Variants in ADAMTSL1 observed in about 807,000 individuals in gnomAD.
ADAMTSL1 encodes ADAMTS-like protein 1.
A neutral mutation model predicts 201.8 loss-of-function variants in ADAMTSL1; 126 were observed. The ratio of observed to expected loss-of-function variants is 0.62; its 90% CI spans 0.54 to 0.72. The LOEUF (loss-of-function observed/expected upper bound fraction) is 0.72, where lower values mean the gene tolerates loss of function less well. Ranked by LOEUF, ADAMTSL1 falls within the 30% of genes least tolerant of loss-of-function variation. The pLI, the probability that ADAMTSL1 is intolerant of heterozygous loss-of-function variation, is 0.00. For synonymous variants in ADAMTSL1, 1,121 were observed against 903.4 expected (o/e 1.24, Z -4.32); for missense variants, 2,679 against 2,277.8 (o/e 1.18, Z -3.59).
At chr9:18,740,293 C>G (rs1019380049) in intron 15 of ADAMTSL1, among the ~76,000 whole-genome samples, 7 of 152,038 alleles carry the variant, frequency 4.6e-5, no homozygotes, top group Non-Finnish European at 7.4e-5. Context: ...CTGTAGTGAG[C>G]TGAAGTCACC....
At chr9:18,005,919 T>G (rs1476440005) in intron 1 of ADAMTSL1, among the ~76,000 whole-genome samples, 1 of 152,008 alleles carries the variant, frequency 6.6e-6, no homozygotes, top group Non-Finnish European at 1.5e-5. Flanking sequence ...GCATAGGTCA[T>G]GTCTTCTACC....
intron 14 of ADAMTSL1, among the ~76,000 whole-genome samples, chr9:18,719,967 A>T (rs1253456980): frequency 1.3e-5 from 2 of 152,202 alleles, no homozygotes; most frequent in African/African-American, 4.8e-5. Flanking sequence ...AATTACATGG[A>T]TAGTCCCAGA....
intron 1 of ADAMTSL1, among the ~76,000 whole-genome samples, chr9:17,980,553 C>A (rs539047528): frequency 1.3e-5 from 2 of 151,894 alleles, no homozygotes; most frequent in African/African-American, 2.4e-5. Flanking sequence ...GTTTGTGTTC[C>A]CTCAAGTTCA....
At chr9:18,732,611 G>A (rs1321412591) in intron 15 of ADAMTSL1, among the ~76,000 whole-genome samples, 1 of 152,172 alleles carries the variant, frequency 6.6e-6, no homozygotes, top group Non-Finnish European at 1.5e-5. Context: ...GGATAAGGCA[G>A]GAAGAAATCA....
intron 1 of ADAMTSL1, among the ~76,000 whole-genome samples, chr9:18,099,624 TTC>T (rs1824427390): frequency 6.7e-6 from 1 of 149,268 alleles, no homozygotes; most frequent in African/African-American, 2.5e-5. Flanking sequence ...TTCTTCCTTT[TTC>T]TCTCTCTCCC....
chr9:18,534,058 G>A (rs1339456746), intron 3 of ADAMTSL1, among the ~76,000 whole-genome samples: 1 of 152,120 alleles, frequency 6.6e-6, no homozygotes, highest in Non-Finnish European at 1.5e-5. Flanking sequence ...GAGAAGAATT[G>A]AAATATATTT....
At chr9:18,015,839 G>C (rs1820237140) in intron 1 of ADAMTSL1, among the ~76,000 whole-genome samples, 1 of 151,928 alleles carries the variant, frequency 6.6e-6, no homozygotes, top group Non-Finnish European at 1.5e-5. Context: ...CCTGAACCCA[G>C]TCTTTCTAAG....
intron 1 of ADAMTSL1, among the ~76,000 whole-genome samples, chr9:18,053,724 A>G (rs1356684604): frequency 6.6e-6 from 1 of 152,180 alleles, no homozygotes; most frequent in Non-Finnish European, 1.5e-5. Context: ...ATATTTACTG[A>G]CCACTCACAA....
chr9:18,250,372 TG>T (rs1831416213), intron 2 of ADAMTSL1, among the ~76,000 whole-genome samples: 1 of 152,198 alleles, frequency 6.6e-6, no homozygotes, highest in South Asian at 2.1e-4. Flanking sequence ...ACTCCCTCTT[TG>T]GGAGAGATAT....
chr9:18,444,296 A>C (rs528189742), intron 2 of ADAMTSL1, among the ~76,000 whole-genome samples: 2 of 152,308 alleles, frequency 1.3e-5, no homozygotes. Context: ...TAATCCTCAC[A>C]TTGATCTTTT....
At chr9:18,059,942 C>A (rs1822376710) in intron 1 of ADAMTSL1, among the ~76,000 whole-genome samples, 1 of 151,968 alleles carries the variant, frequency 6.6e-6, no homozygotes, top group Non-Finnish European at 1.5e-5. Context: ...AAAAAAACTT[C>A]AATTTTATTT....
intron 5 of ADAMTSL1, among the ~76,000 whole-genome samples, chr9:18,625,587 C>A (rs1369518141): frequency 6.6e-6 from 1 of 152,128 alleles, no homozygotes; most frequent in Non-Finnish European, 1.5e-5. Context: ...CTCCCCCAAC[C>A]CAATAAAAAT....
rs1179713904 is a variant in ADAMTSL1 at position 18,807,645 on chromosome 9, C to CAAAAA, written c.3806-9455_3806-9451dup. Among the ~76,000 whole-genome samples, 49 of 68,582 alleles carry CAAAAA rather than the reference C, an allele frequency of 7.1e-4. 1 individual carries two copies. Among genetic ancestry groups the CAAAAA allele is most frequent in the East Asian group, 5.1e-3 (11 of 2,136 alleles). The allele number at this position is 68,582 out of a possible 152,430, so 45.0% of individuals were successfully genotyped here. A position where few individuals can be genotyped will look rare whatever the true frequency, so the allele number is the denominator to read the frequency against. On this transcript the variant is annotated intron_variant, in intron 20 of 28. Transcript: ENST00000380548. ...AGGGCGACAGAGCGAGACTCTGTCT[C>CAAAAA]AAAAAAAAAAAAACAAAAAAAAAAC... is the stretch of plus-strand genomic sequence containing the variant.
At chr9:18,463,054 C>T (rs1202523462) in intron 2 of ADAMTSL1, among the ~76,000 whole-genome samples, 1 of 152,068 alleles carries the variant, frequency 6.6e-6, no homozygotes, top group Non-Finnish European at 1.5e-5. Flanking sequence ...GACTCATACC[C>T]ATCTAAGCTA....
rs532941793 is a variant in ADAMTSL1, at chr9:17,963,780, T to G, written c.87+56858T>G. Reference sequence around the variant, plus strand: ...AAATTTTTGTTAATAGATCCCTTCATTTTTTGTTTTTGTTGAAAGATTCCC... The same window carrying G: ...AAATTTTTGTTAATAGATCCCTTCAGTTTTTGTTTTTGTTGAAAGATTCCC... On this transcript the variant is annotated intron_variant, in intron 1 of 29. Transcript: ENST00000680146. Among the ~76,000 whole-genome samples, 66 of 152,242 alleles carry G rather than the reference T, an allele frequency of 4.3e-4. 1 individual carries two copies. In the South Asian group the frequency reaches 0.013, roughly 30 times the overall value.
chr9:18,659,332 T>C (rs1405617819), intron 8 of ADAMTSL1, among the ~76,000 whole-genome samples: 1 of 152,220 alleles, frequency 6.6e-6, no homozygotes, highest in Admixed American at 6.5e-5. Context: ...TATGGAGCAA[T>C]GTTGGATTTT....
chr9:18,578,449 G>C lies in ADAMTSL1; in HGVS notation c.474+4183G>C, dbSNP rs192945738. Among the ~76,000 whole-genome samples, 130 of 152,246 alleles carry C rather than the reference G, an allele frequency of 8.5e-4. 1 individual carries two copies. The highest frequency in any genetic ancestry group is 3.0e-3 in the African/African-American group (124 of 41,532). ...ATTCTAGACTAGATGAAGTTAGAGAGAAGGCTGAGCTAGGGAGGCAATTTG... is the reference window on the plus strand; with the variant it reads ...ATTCTAGACTAGATGAAGTTAGAGACAAGGCTGAGCTAGGGAGGCAATTTG... On this transcript the variant is annotated intron_variant, in intron 4 of 28. Coordinates refer to ENST00000380548, the MANE Select transcript of ADAMTSL1 (RefSeq NM_001040272.6).
intron 23 of ADAMTSL1, among the ~76,000 whole-genome samples, chr9:18,869,059 G>T (rs975230582): frequency 6.6e-6 from 1 of 152,114 alleles, no homozygotes; most frequent in African/African-American, 2.4e-5. Flanking sequence ...TTAGATATAC[G>T]CAGACATGCA....
At chr9:18,176,200 T>G (rs1213247722) in intron 2 of ADAMTSL1, among the ~76,000 whole-genome samples, 1 of 152,066 alleles carries the variant, frequency 6.6e-6, no homozygotes, top group African/African-American at 2.4e-5. Context: ...CTTATCATTT[T>G]ATACATATAG....
Sources: allele counts gnomAD v4.1 joint callset (sites outside exome capture counted in the v4.1 genomes callset), GRCh38; gene constraint gnomAD v4.1.1; transcripts MANE v1.5; gene names NCBI Gene and HGNC (gene_info 2026-07-23, HGNC 2026-07-21).